The following TRMT2B variants were observed in gnomAD, a reference collection of about 807,000 sequenced individuals.
The protein encoded by TRMT2B is tRNA methyltransferase 2B.
TRMT2B carries 34 observed loss-of-function variants against 39.7 expected under a neutral mutation model. That is an observed-to-expected ratio of 0.86 (90% CI 0.65 to 1.14). TRMT2B has a LOEUF of 1.14. TRMT2B is among the 50% of genes most tolerant of loss of function. TRMT2B has a pLI of 0.00. For synonymous variants in TRMT2B, 132 were observed against 137.3 expected (o/e 0.96, Z 0.27); for missense variants, 318 against 377.2 (o/e 0.84, Z 1.30).
chrX:100,986,633 G>A, the TRMT2B span, among the ~76,000 whole-genome samples: 1 of 112,312 alleles, frequency 8.9e-6, no homozygotes, highest in Non-Finnish European at 1.9e-5. Context: ...CTAGAAAAAT[G>A]TCTAGCTCAT....
At chrX:100,996,780 C>T in the TRMT2B span, among the ~76,000 whole-genome samples, 1 of 110,266 alleles carries the variant, frequency 9.1e-6, no homozygotes, top group Admixed American at 9.7e-5. Flanking sequence ...GGCATGTTGG[C>T]ACATGCCTGT....
the TRMT2B span, chrX:100,974,317 A>T: frequency 3.9e-6 from 2 of 516,336 alleles, no homozygotes; most frequent in Admixed American, 5.9e-5. Context: ...TTTTGTGCAT[A>T]AACACCTCCT....
At chrX:100,999,868 A>T in the TRMT2B span, among the ~76,000 whole-genome samples, 4 of 112,114 alleles carry the variant, frequency 3.6e-5, no homozygotes, top group Non-Finnish European at 7.5e-5. Flanking sequence ...AATCCCAGGA[A>T]CTAGGAAGTT....
chrX:100,975,631 C>CTT, the TRMT2B span, among the ~76,000 whole-genome samples: 3 of 97,925 alleles, frequency 3.1e-5, no homozygotes, highest in Non-Finnish European at 4.1e-5. Flanking sequence ...ATTTTCTTTG[C>CTT]TTTTTTTTTT....
At chrX:101,001,084 C>T in the TRMT2B span, among the ~76,000 whole-genome samples, 1 of 110,807 alleles carries the variant, frequency 9.0e-6, no homozygotes, top group East Asian at 2.8e-4. Context: ...GTCCAGGGAT[C>T]ACACTTTGAC....
chrX:101,036,880 T>C, intron 6 of TRMT2B, 94 bp downstream of exon 6: 2 of 671,081 alleles, frequency 3.0e-6, no homozygotes. Flanking sequence ...TTTAATCTTC[T>C]TCTTTAAGGC....
At chrX:101,047,826 T>C (rs1311876657) in intron 2 of TRMT2B, among the ~76,000 whole-genome samples, 1 of 98,987 alleles carries the variant, frequency 1.0e-5, no homozygotes, top group Non-Finnish European at 2.1e-5. Flanking sequence ...GACTCCATCT[T>C]AAAAAAAAAA....
chrX:100,999,281 T>C, the TRMT2B span, among the ~76,000 whole-genome samples: 3 of 112,396 alleles, frequency 2.7e-5, no homozygotes, highest in East Asian at 2.8e-4. Context: ...TGATGGAAAA[T>C]TGTTAAGTGT....
At chrX:100,980,018 C>T in the TRMT2B span, among the ~76,000 whole-genome samples, 8 of 111,170 alleles carry the variant, frequency 7.2e-5, no homozygotes, top group Admixed American at 9.5e-5. Context: ...CTTGTGGCCA[C>T]GACCACTGAG....
At chrX:101,003,829 TTTGTG>T in the TRMT2B span, among the ~76,000 whole-genome samples, 3 of 110,999 alleles carry the variant, frequency 2.7e-5, no homozygotes, top group African/African-American at 6.6e-5. Context: ...TTGTTTTTGT[TTTGTG>T]TTGTTTTGTT....
intron 7 of TRMT2B, among the ~76,000 whole-genome samples, chrX:101,028,285 A>AT (rs1249590043): frequency 9.2e-6 from 1 of 108,504 alleles, no homozygotes; most frequent in East Asian, 2.9e-4. Context: ...CATCCGGCTA[A>AT]TTTTTTTATT....
chrX:101,043,964 C>T (rs997984208), intron 2 of TRMT2B, among the ~76,000 whole-genome samples: 10 of 111,895 alleles, frequency 8.9e-5, no homozygotes, highest in African/African-American at 2.6e-4. Flanking sequence ...GCAAGTTCGG[C>T]TGGGTGCAGT....
Position 101,018,963 on chromosome X carries a change from A to T in TRMT2B, c.1388+8T>A. The T allele has an allele frequency of 8.6e-7, 1 of 1,159,930 alleles. No individual in the cohort carries two copies. The highest frequency in any genetic ancestry group is 1.2e-6 in the Non-Finnish European group (1 of 848,150). ...AACAAAAAATTTTAAACAGAAGTCA[A>T]GACTTACTCAATGACATTCCTAGTG... On this transcript the variant is annotated splice_region_variant and intron_variant, in intron 13 of 13. Transcript: ENST00000372936.
At chrX:100,988,509 G>A in the TRMT2B span, 57 of 1,165,552 alleles carry the variant, frequency 4.9e-5, no homozygotes, top group African/African-American at 9.8e-4. Context: ...ACAATTGAAG[G>A]AGTGGCTTAT....
chrX:101,025,098 CAT>C (rs1286245090), intron 7 of TRMT2B, among the ~76,000 whole-genome samples: 1 of 111,282 alleles, frequency 9.0e-6, no homozygotes, highest in Non-Finnish European at 1.9e-5. Flanking sequence ...CTTAGTCTGA[CAT>C]ATGTGTTCAA....
intron 7 of TRMT2B, among the ~76,000 whole-genome samples, chrX:101,029,025 T>A (rs1418572327): frequency 9.0e-6 from 1 of 111,547 alleles, no homozygotes; most frequent in African/African-American, 3.3e-5. Flanking sequence ...TCTCAGGAAG[T>A]TCTTTATAGC....
At chrX:101,006,528 C>T (rs924939645), downstream of TRMT2B, among the ~76,000 whole-genome samples, 3 of 110,218 alleles carry the variant, frequency 2.7e-5, no homozygotes, top group South Asian at 7.8e-4. Context: ...GTTGGCCGGG[C>T]GCAGTGGCTC....
At chrX:101,036,550 C>T (rs964016605) in intron 6 of TRMT2B, among the ~76,000 whole-genome samples, 1 of 110,035 alleles carries the variant, frequency 9.1e-6, no homozygotes, top group Non-Finnish European at 1.9e-5. Context: ...ATACACACCT[C>T]CCCTACCAAT....
downstream of TRMT2B, among the ~76,000 whole-genome samples, chrX:101,007,227 G>A (rs1240754427): frequency 8.9e-6 from 1 of 112,052 alleles, no homozygotes; most frequent in Non-Finnish European, 1.9e-5. Context: ...AATGTAAATA[G>A]GACCAAAAGG....
Sources: allele counts gnomAD v4.1 joint callset (sites outside exome capture counted in the v4.1 genomes callset), GRCh38; gene constraint gnomAD v4.1.1; transcripts MANE v1.5; gene names NCBI Gene and HGNC (gene_info 2026-07-23, HGNC 2026-07-21).